Variants in RAMP1 observed in about 807,000 individuals in gnomAD.
RAMP1 encodes receptor activity modifying protein 1.
Under a neutral mutation model 8.2 loss-of-function variants are expected in RAMP1, and 7 were observed. The observed-to-expected ratio is 0.85, with a 90% CI of 0.49 to 1.60. The LOEUF is 1.60. Ranked by LOEUF, RAMP1 falls within the 40% of genes most tolerant of loss-of-function variation. RAMP1 has a pLI of 0.00. For missense variants in RAMP1, 192 were observed against 202.4 expected (o/e 0.95, Z 0.31); for synonymous variants, 92 against 84.7 (o/e 1.09, Z -0.47).
At chr2:237,875,247 T>TG (rs981073844) in intron 1 of RAMP1, among the ~76,000 whole-genome samples, 2 of 151,794 alleles carry the variant, frequency 1.3e-5, no homozygotes, top group Admixed American at 6.6e-5. Flanking sequence ...GCCCCCAGGG[T>TG]GGGGGGTGCA....
chr2:237,911,884 C>T lies in RAMP1; in HGVS notation c.*101C>T. 2 of 1,435,888 alleles carry T rather than the reference C, an allele frequency of 1.4e-6. No homozygotes were observed. Among genetic ancestry groups the T allele is most frequent in the Non-Finnish European group, 1.8e-6 (2 of 1,084,852 alleles). 88.9% of individuals were successfully genotyped at this position (1,435,888 alleles called of 1,614,324 possible). On this transcript the variant is annotated 3_prime_UTR_variant, in exon 3 of 3. Transcript: ENST00000254661. ...GGAGCCTTGGGACAGAGCAGGCCCA[C>T]AATGCCCCCCTTCTTCCAGCCAAGA...
At chr2:237,881,699 G>A (rs1317246025) in intron 2 of RAMP1, among the ~76,000 whole-genome samples, 1 of 152,236 alleles carries the variant, frequency 6.6e-6, no homozygotes, top group African/African-American at 2.4e-5. Context: ...TATGTTTACA[G>A]GCCGTTCTTT....
chr2:237,890,081 G>A (rs1382931746), intron 2 of RAMP1, among the ~76,000 whole-genome samples: 1 of 152,218 alleles, frequency 6.6e-6, no homozygotes. Flanking sequence ...TATAGAAAGT[G>A]ATGAATAAGG....
intron 2 of RAMP1, among the ~76,000 whole-genome samples, chr2:237,899,558 C>G (rs912516879): frequency 6.6e-6 from 1 of 152,170 alleles, no homozygotes; most frequent in Non-Finnish European, 1.5e-5. Context: ...TTAAAGCATT[C>G]CTGAAATTAG....
chr2:237,874,313 G>A (rs1378747299), intron 1 of RAMP1, among the ~76,000 whole-genome samples: 1 of 152,254 alleles, frequency 6.6e-6, no homozygotes. Flanking sequence ...CGCTGTCATT[G>A]TTTCTGGCCC....
Position 237,863,742 on chromosome 2 carries a change from T to A in RAMP1, c.52+4015T>A, listed in dbSNP as rs2062153563. Among the ~76,000 whole-genome samples, 3 of 149,384 alleles carry A rather than the reference T, an allele frequency of 2.0e-5. No homozygotes were observed. In the South Asian group the frequency reaches 6.5e-4, roughly 33 times the overall value. On this transcript the variant is annotated intron_variant, in intron 1 of 2. Coordinates refer to ENST00000254661, the MANE Select transcript of RAMP1 (RefSeq NM_005855.4). ...AGGAGTGCAGGGCTATGGGCCTGAG[T>A]CACAGGCCCCCCGACTCTACGTTCT... is the stretch of plus-strand genomic sequence containing the variant.
chr2:237,869,374 A>G (rs956307923), intron 1 of RAMP1, among the ~76,000 whole-genome samples: 4 of 152,172 alleles, frequency 2.6e-5, no homozygotes, highest in African/African-American at 4.8e-5. Flanking sequence ...AACCATCGCC[A>G]CTATCCATCC....
intron 2 of RAMP1, among the ~76,000 whole-genome samples, chr2:237,879,835 T>C (rs781638935): frequency 8.7e-5 from 13 of 148,980 alleles, no homozygotes; most frequent in Non-Finnish European, 1.8e-4. Flanking sequence ...ACTAAAAATA[T>C]AAAAATTAGC....
chr2:237,902,281 A>AAGGAGGGATCGGGAGGAGG (rs1311112163), intron 2 of RAMP1, among the ~76,000 whole-genome samples: 3 of 138,230 alleles, frequency 2.2e-5, no homozygotes, highest in African/African-American at 7.9e-5. Flanking sequence ...AGGGAGGGGT[A>AAGGAGGGATCGGGAGGAGG]AGGAGGGATC....
At chr2:237,901,482 A>G (rs1284840176) in intron 2 of RAMP1, among the ~76,000 whole-genome samples, 2 of 152,196 alleles carry the variant, frequency 1.3e-5, no homozygotes, top group Non-Finnish European at 2.9e-5. Flanking sequence ...GCGAAGGGCG[A>G]GCATAGGGTG....
intron 2 of RAMP1, among the ~76,000 whole-genome samples, chr2:237,883,832 AAAAG>A (rs948401601): frequency 6.4e-5 from 9 of 141,180 alleles, no homozygotes; most frequent in Non-Finnish European, 1.3e-4. Context: ...AAAAAAAAAG[AAAAG>A]AAAAGAAAAA....
Position 237,862,022 on chromosome 2 carries a change from G to A in RAMP1, c.52+2295G>A, listed in dbSNP as rs1431952980. Among the ~76,000 whole-genome samples, 3 of 152,174 alleles carry A rather than the reference G, an allele frequency of 2.0e-5. No individual in the cohort carries two copies. Among genetic ancestry groups the A allele is most frequent in the East Asian group, 3.9e-4 (2 of 5,186 alleles). On this transcript the variant is annotated intron_variant, in intron 1 of 2. Coordinates refer to ENST00000254661, the MANE Select transcript of RAMP1 (RefSeq NM_005855.4). The surrounding 1 kb of genome is among the most constrained non-coding windows in gnomAD (Gnocchi z 4.0). The stretch of plus-strand genomic sequence containing the variant: ...ATGCGTTAGAAGCCCCTGGTTTTTC[G>A]AGTCCATCTTCACTCAGGGAATGCT...
intron 2 of RAMP1, among the ~76,000 whole-genome samples, chr2:237,910,668 G>C (rs111214477): frequency 5.4e-5 from 6 of 110,812 alleles, no homozygotes; most frequent in East Asian, 4.5e-4. Flanking sequence ...GTCACACACA[G>C]GGAATAACAG....
At chr2:237,892,401 G>C (rs1422147280) in intron 2 of RAMP1, among the ~76,000 whole-genome samples, 1 of 151,258 alleles carries the variant, frequency 6.6e-6, no homozygotes, top group Non-Finnish European at 1.5e-5. Flanking sequence ...TGGAACTACA[G>C]GCATGCACCA....
At chr2:237,907,920 T>C (rs2062669208) in intron 2 of RAMP1, among the ~76,000 whole-genome samples, 1 of 152,258 alleles carries the variant, frequency 6.6e-6, no homozygotes, top group Non-Finnish European at 1.5e-5. Context: ...CTACGGTCAA[T>C]AGTATTTACA....
Position 237,911,940 on chromosome 2 carries a change from C to T in RAMP1, c.*157C>T, listed in dbSNP as rs2062720915. 2.4e-6 allele frequency: 3 copies of T among 1,259,886 alleles called. No individual in the cohort carries two copies. The highest frequency in any genetic ancestry group is 3.2e-6 in the Non-Finnish European group (3 of 940,150). The allele number at this position is 1,259,886 out of a possible 1,614,324, so 78.0% of individuals were successfully genotyped here. A position where few individuals can be genotyped will look rare whatever the true frequency, so the allele number is the denominator to read the frequency against. ...TCACAGGAGTCCAGAGTAGCCGAGG[C>T]TCTGGTATTAACCTGGAAGCCCCCC... On this transcript the variant is annotated 3_prime_UTR_variant, in exon 3 of 3. Coordinates refer to ENST00000254661, the MANE Select transcript of RAMP1 (RefSeq NM_005855.4).
intron 2 of RAMP1, among the ~76,000 whole-genome samples, chr2:237,893,751 C>A (rs946645494): frequency 2.6e-5 from 4 of 151,996 alleles, no homozygotes; most frequent in African/African-American, 9.7e-5. Flanking sequence ...CCAGTGTGAG[C>A]AACATGGCGA....
chr2:237,867,353 A>C (rs934679623), intron 1 of RAMP1, among the ~76,000 whole-genome samples: 1 of 152,158 alleles, frequency 6.6e-6, no homozygotes, highest in African/African-American at 2.4e-5. Flanking sequence ...TTGCTGTCTC[A>C]GTGGCGGCAG....
intron 2 of RAMP1, among the ~76,000 whole-genome samples, chr2:237,882,171 C>T (rs1317908578): frequency 6.6e-6 from 1 of 152,182 alleles, no homozygotes; most frequent in Admixed American, 6.5e-5. Flanking sequence ...CCTGAGATGC[C>T]ACCTTTGTCA....
Sources: gnomAD v4.1 joint callset for allele counts (sites outside exome capture counted in the v4.1 genomes callset) on GRCh38, gnomAD v4.1.1 for gene constraint, Gnocchi (gnomAD v3.1) non-coding constraint, MANE v1.5 for transcripts, NCBI Gene and HGNC (gene_info 2026-07-23, HGNC 2026-07-21) for gene names.